LYPD5: variants seen among roughly 807,000 people sequenced by gnomAD.
LYPD5 encodes the protein LY6/PLAUR domain containing 5.
In LYPD5, 21 loss-of-function variants were observed where a neutral mutation model predicts 19.1. That is an observed-to-expected ratio of 1.10 (90% CI 0.78 to 1.58). LYPD5 has a LOEUF of 1.58. Among genes scored for constraint, LYPD5 ranks in the 40% most tolerant of loss-of-function variants. The pLI is 0.00. For synonymous variants in LYPD5, 128 were observed against 142.7 expected (o/e 0.90, Z 0.74); for missense variants, 287 against 329.8 (o/e 0.87, Z 1.00).
In LYPD5 at chr19:43,796,390, C is replaced by T. The variant is rs1970129673; in HGVS notation, c.*1201G>A. 1 of 48,234 alleles carries T rather than the reference C, an allele frequency of 2.1e-5. No individual in the cohort carries two copies. Among genetic ancestry groups the T allele is most frequent in the African/African-American group, 8.2e-5 (1 of 12,218 alleles). The allele number at this position is 48,234 out of a possible 1,614,324, so 3.0% of individuals were successfully genotyped here. On this transcript the variant is annotated 3_prime_UTR_variant, in exon 5 of 5. Transcript: ENST00000377950. ...GAAGTTCATGCAGTTATGAAAGTGT[C>T]CTGCACTCATGAAAGTGTCCTGCAC...
rs752704339 is a variant in LYPD5 at position 43,799,795 on chromosome 19, T to C, written c.104A>G (p.Tyr35Cys). ...GGCCCTGAGGTCAAAGGGGCCAAAG[T>C]AGGTGTGCTCAAAGCTGTAGCACTG... is the stretch of plus-strand genomic sequence containing the variant. ...ALQCYSFEHT[Y>C]FGPFDLRAMK... Residue 35 changes from tyrosine to cysteine, a missense_variant, in exon 2 of 5, where the codon TAC becomes TGC. Physicochemically the swap from Tyr to Cys is radical, Grantham distance 194. Coordinates refer to ENST00000377950, the MANE Select transcript of LYPD5 (RefSeq NM_001031749.3). 6.2e-7 allele frequency: 1 copy of C among 1,613,570 alleles called. No individual in the cohort carries two copies. Among genetic ancestry groups the C allele is most frequent in the Admixed American group, 1.7e-5 (1 of 60,008 alleles).
upstream of LYPD5, among the ~76,000 whole-genome samples, chr19:43,806,660 C>CAACAAAACAAAACAAAACAA (rs149155466): frequency 6.6e-6 from 1 of 150,912 alleles, no homozygotes; most frequent in African/African-American, 2.5e-5. Flanking sequence ...GACACCGTCT[C>CAACAAAACAAAACAAAACAA]AACAAAACAA....
In LYPD5 at chr19:43,798,827, G is replaced by A. The variant is rs1307740958; in HGVS notation, c.355C>T (p.Pro119Ser). The change falls in exon 3 of 5, where the codon CCC (proline) becomes TCC (serine). Residue 119 changes from proline (P) to serine (S), a missense_variant. Transcript: ENST00000377950. ...TCCCGCGCACCTTGGCTCAGGTTGG[G>A]GAGGGCGTCATGAGTCATGAGGTGG... ...NAHLMTHDAL[P>S]NLSQAPDPPT... 1.2e-6 allele frequency: 2 copies of A among 1,610,080 alleles called. No homozygotes were observed. The highest frequency in any genetic ancestry group is 1.7e-6 in the Non-Finnish European group (2 of 1,178,384).
intron 1 of LYPD5, among the ~76,000 whole-genome samples, chr19:43,812,648 C>T (rs1298237450): frequency 1.3e-5 from 2 of 152,130 alleles, no homozygotes; most frequent in African/African-American, 4.8e-5. Context: ...TGATAAAGAA[C>T]ATGCAGGGAA....
intron 1 of LYPD5, among the ~76,000 whole-genome samples, chr19:43,815,579 A>G (rs1970365164): frequency 6.6e-6 from 1 of 152,016 alleles, no homozygotes; most frequent in African/African-American, 2.4e-5. Flanking sequence ...TGTCTAAAAC[A>G]AAAACAAAAC....
chr19:43,805,520 T>A (rs180890217), upstream of LYPD5, among the ~76,000 whole-genome samples: 1 of 152,324 alleles, frequency 6.6e-6, no homozygotes, highest in East Asian at 1.9e-4. Context: ...GTTATTTTTA[T>A]TTTTTGAGAC....
chr19:43,800,636 G>A lies in LYPD5; in HGVS notation c.65-802C>T, dbSNP rs541217789. ...AATTATGCGATGTTTAGAGATACAGGAAAATGAGATCACAAAAACATACAG... is the reference window on the plus strand; with the variant it reads ...AATTATGCGATGTTTAGAGATACAGAAAAATGAGATCACAAAAACATACAG... On this transcript the variant is annotated intron_variant, in intron 1 of 4. Coordinates refer to ENST00000377950, the MANE Select transcript of LYPD5 (RefSeq NM_001031749.3). Among the ~76,000 whole-genome samples, 18 of 152,216 alleles carry A rather than the reference G, an allele frequency of 1.2e-4. No individual in the cohort carries two copies. In the South Asian group the frequency reaches 3.7e-3, roughly 32 times the overall value.
rs1970230980 is a variant in LYPD5 at position 43,802,207 on chromosome 19, A to ACAGACCCAGGAGTCCAGGCCCCCAG, written c.64+109_64+110insCTGGGGGCCTGGACTCCTGGGTCTG. On this transcript the variant is annotated intron_variant, in intron 1 of 4. Transcript: ENST00000377950. The stretch of plus-strand genomic sequence containing the variant: ...TCAGACCCAGGAGATCAGGCCCCCA[A>ACAGACCCAGGAGTCCAGGCCCCCAG]CCCCTCCTCCCTCAGACCCAGGAGT... 15 of 649,554 alleles carry ACAGACCCAGGAGTCCAGGCCCCCAG rather than the reference A, an allele frequency of 2.3e-5. 1 individual carries two copies. Among genetic ancestry groups the ACAGACCCAGGAGTCCAGGCCCCCAG allele is most frequent in the Non-Finnish European group, 3.0e-5 (12 of 404,564 alleles). 40.2% of individuals were successfully genotyped at this position (649,554 alleles called of 1,614,324 possible). A position where few individuals can be genotyped will look rare whatever the true frequency, so the allele number is the denominator to read the frequency against.
At chr19:43,808,905 GATGAA>G (rs1200551509) in intron 1 of LYPD5, among the ~76,000 whole-genome samples, 1 of 152,162 alleles carries the variant, frequency 6.6e-6, no homozygotes, top group Non-Finnish European at 1.5e-5. Flanking sequence ...TTTTTATACT[GATGAA>G]ATTTCTAAAG....
At position 43,798,992 on chromosome 19, in the gene LYPD5, G is replaced by C. The variant is rs1420563942; in HGVS notation, c.194-4C>G. The C allele has an allele frequency of 6.4e-7, 1 of 1,563,108 alleles. No homozygotes were observed. Among genetic ancestry groups the C allele is most frequent in the Non-Finnish European group, 8.7e-7 (1 of 1,153,782 alleles). On this transcript the variant is annotated splice_polypyrimidine_tract_variant and splice_region_variant and intron_variant, in intron 2 of 4. Coordinates refer to ENST00000377950, the MANE Select transcript of LYPD5 (RefSeq NM_001031749.3). Reference sequence around the variant, plus strand: ...AGGGTCACCGGCGCGCGATACCCTGGGGGCGGGATCGGGGCTCGTGCTCTG... The same window carrying C: ...AGGGTCACCGGCGCGCGATACCCTGCGGGCGGGATCGGGGCTCGTGCTCTG...
intron 4 of LYPD5, among the ~76,000 whole-genome samples, 168 bp downstream of exon 4, chr19:43,798,287 T>TCTTCTCCCTCAGACCAGGGTCAAAC (rs1555727957): frequency 0.029 from 912 of 31,010 alleles, 32 homozygotes; most frequent in East Asian, 0.16. Context: ...CAGGGCCAAA[T>TCTTCTCCCTCAGACCAGGGTCAAAC]CTTCTCCCTC....
chr19:43,803,390 G>C (rs1301037162), upstream of LYPD5, among the ~76,000 whole-genome samples: 1 of 152,198 alleles, frequency 6.6e-6, no homozygotes, highest in Non-Finnish European at 1.5e-5. Flanking sequence ...CTGAGGCAGA[G>C]ACCCCAGGCT....
chr19:43,811,485 A>G (rs1320060843), intron 1 of LYPD5, among the ~76,000 whole-genome samples: 1 of 152,204 alleles, frequency 6.6e-6, no homozygotes, highest in Non-Finnish European at 1.5e-5. Flanking sequence ...CAGGAGTTCA[A>G]GACCAGACTG....
intron 1 of LYPD5, among the ~76,000 whole-genome samples, chr19:43,810,786 G>T (rs1014227740): frequency 4.6e-5 from 7 of 151,584 alleles, no homozygotes; most frequent in Admixed American, 2.6e-4. Context: ...CTGCCACCAC[G>T]CCTGGCTAAT....
chr19:43,816,295 G>C (rs1249645828), intron 1 of LYPD5, among the ~76,000 whole-genome samples: 1 of 152,240 alleles, frequency 6.6e-6, no homozygotes, highest in South Asian at 2.1e-4. Context: ...TCACTCATTT[G>C]CATTACTATG....
intron 1 of LYPD5, among the ~76,000 whole-genome samples, chr19:43,810,035 G>A (rs1029745127): frequency 2.0e-5 from 3 of 152,138 alleles, no homozygotes; most frequent in African/African-American, 7.2e-5. Context: ...TTTTGCAACC[G>A]TCAATAGCAT....
chr19:43,812,378 AATCTATCATC>A (rs1970333781), intron 1 of LYPD5, among the ~76,000 whole-genome samples: 12 of 54,940 alleles, frequency 2.2e-4, no homozygotes, highest in Non-Finnish European at 3.7e-4. Flanking sequence ...TCTATCTATC[AATCTATCATC>A]TATCTATCCA....
At chr19:43,814,171 C>A (rs989618729) in intron 1 of LYPD5, among the ~76,000 whole-genome samples, 7 of 152,176 alleles carry the variant, frequency 4.6e-5, no homozygotes, top group African/African-American at 1.4e-4. Context: ...CCATGTATAT[C>A]TGCACATTGG....
upstream of LYPD5, among the ~76,000 whole-genome samples, chr19:43,807,276 C>CTTTTTTTTTT (rs1251451176): frequency 6.9e-6 from 1 of 144,090 alleles, no homozygotes; most frequent in Non-Finnish European, 1.5e-5. Flanking sequence ...CTTTTCTTTT[C>CTTTTTTTTTT]TTTTCTTTTT....
Sources: gnomAD v4.1 joint callset for allele counts (sites outside exome capture counted in the v4.1 genomes callset) on GRCh38, gnomAD v4.1.1 for gene constraint, MANE v1.5 for transcripts, NCBI Gene and HGNC (gene_info 2026-07-23, HGNC 2026-07-21) for gene names.